DRC11: variants seen among roughly 807,000 people sequenced by gnomAD.
DRC11 encodes the protein IQ and AAA domain-containing protein 1.
At chr2:236,392,386 A>C in the DRC11 span, 4 of 1,202,088 alleles carry the variant, frequency 3.3e-6, no homozygotes, top group East Asian at 1.0e-4. The surrounding 1 kb of genome is among the most constrained non-coding windows in gnomAD (Gnocchi z 5.1). Context: ...AGAAAAAGAA[A>C]AAATTTTAAA....
At chr2:236,380,665 T>G in the DRC11 span, 1 of 1,502,812 alleles carries the variant, frequency 6.7e-7, no homozygotes, top group Non-Finnish European at 9.1e-7. The surrounding 1 kb of genome is among the most constrained non-coding windows in gnomAD (Gnocchi z 4.9). Context: ...TAACCAACAA[T>G]TTAGTCAAAA....
At chr2:236,400,804 T>C in the DRC11 span, among the ~76,000 whole-genome samples, 5 of 152,176 alleles carry the variant, frequency 3.3e-5, no homozygotes, top group Admixed American at 2.0e-4. The surrounding 1 kb of genome is among the most constrained non-coding windows in gnomAD (Gnocchi z 7.9). Flanking sequence ...CCACAGTCCC[T>C]CGTGGTTGTG....
the DRC11 span, among the ~76,000 whole-genome samples, chr2:236,479,128 T>A: frequency 6.6e-6 from 1 of 152,216 alleles, no homozygotes; most frequent in African/African-American, 2.4e-5. The surrounding 1 kb of genome is among the most constrained non-coding windows in gnomAD (Gnocchi z 4.1). Flanking sequence ...CCTGGCCAGT[T>A]TGTAGTCTAT....
chr2:236,327,096 C>T, the DRC11 span, among the ~76,000 whole-genome samples: 1 of 152,132 alleles, frequency 6.6e-6, no homozygotes, highest in East Asian at 1.9e-4. Context: ...AGCAGTTCTA[C>T]AGCTGCTTCT....
chr2:236,354,566 A>C, the DRC11 span, among the ~76,000 whole-genome samples: 1 of 152,110 alleles, frequency 6.6e-6, no homozygotes, highest in Non-Finnish European at 1.5e-5. Context: ...GCCAGCTTGG[A>C]GAAGCCTGTG....
At chr2:236,326,492 C>G in the DRC11 span, among the ~76,000 whole-genome samples, 3 of 152,096 alleles carry the variant, frequency 2.0e-5, no homozygotes, top group Non-Finnish European at 4.4e-5. Context: ...GAGTTCATAC[C>G]TCTTTCATTT....
chr2:236,326,792 T>TTGTG, the DRC11 span, among the ~76,000 whole-genome samples: 1,802 of 144,022 alleles, frequency 0.013, 26 homozygotes, highest in East Asian at 0.029. Flanking sequence ...TTCAGATTTG[T>TTGTG]TGTGTGTGTG....
At chr2:236,356,183 G>A in the DRC11 span, among the ~76,000 whole-genome samples, 2 of 152,160 alleles carry the variant, frequency 1.3e-5, no homozygotes, top group East Asian at 3.9e-4. Context: ...AATGTCCAGG[G>A]GCAGAGAGGG....
At chr2:236,365,110 G>C in the DRC11 span, among the ~76,000 whole-genome samples, 1 of 152,106 alleles carries the variant, frequency 6.6e-6, no homozygotes, top group Non-Finnish European at 1.5e-5. This position sits in a 1 kb window ranked among gnomAD's most constrained non-coding sequence, Gnocchi z 7.4. Context: ...CTGCTCTGTG[G>C]TAGCCCTGGC....
At chr2:236,491,000 ATT>A in the DRC11 span, among the ~76,000 whole-genome samples, 4 of 136,236 alleles carry the variant, frequency 2.9e-5, 1 homozygote, top group African/African-American at 1.0e-4. This position sits in a 1 kb window ranked among gnomAD's most constrained non-coding sequence, Gnocchi z 5.5. Flanking sequence ...CCAAGAATAT[ATT>A]GTGTGTATAT....
At chr2:236,491,240 T>TATATATATATAC in the DRC11 span, among the ~76,000 whole-genome samples, 227 of 52,514 alleles carry the variant, frequency 4.3e-3, 21 homozygotes, top group Non-Finnish European at 6.4e-3. Context: ...TATATATATA[T>TATATATATATAC]ACACAGTATA....
the DRC11 span, among the ~76,000 whole-genome samples, chr2:236,410,136 G>A: frequency 1.3e-5 from 2 of 151,540 alleles, no homozygotes; most frequent in South Asian, 4.2e-4. Context: ...AATGAGTTAG[G>A]GAGGATTCCC....
chr2:236,470,320 T>C, the DRC11 span, among the ~76,000 whole-genome samples: 1 of 152,202 alleles, frequency 6.6e-6, no homozygotes, highest in Admixed American at 6.5e-5. The surrounding 1 kb of genome is among the most constrained non-coding windows in gnomAD (Gnocchi z 5.1). Flanking sequence ...GGCGCTTTGT[T>C]GTTACCAAAG....
chr2:236,490,882 C>T, the DRC11 span, among the ~76,000 whole-genome samples: 5 of 148,646 alleles, frequency 3.4e-5, no homozygotes, highest in Middle Eastern at 7.0e-3. The surrounding 1 kb of genome is among the most constrained non-coding windows in gnomAD (Gnocchi z 5.5). Flanking sequence ...ATATACAGTA[C>T]GTATCCCAAG....
chr2:236,407,857 C>A, the DRC11 span: 3 of 352,852 alleles, frequency 8.5e-6, no homozygotes, highest in Admixed American at 3.5e-5. Context: ...TAAGCTCCGT[C>A]TTCTACTGCA....
the DRC11 span, among the ~76,000 whole-genome samples, chr2:236,335,628 A>T: frequency 6.6e-6 from 1 of 152,230 alleles, no homozygotes; most frequent in Non-Finnish European, 1.5e-5. This position sits in a 1 kb window ranked among gnomAD's most constrained non-coding sequence, Gnocchi z 5.6. Flanking sequence ...CTTCATTTTT[A>T]AAGGGCCTAT....
chr2:236,429,201 C>T, the DRC11 span, among the ~76,000 whole-genome samples: 9 of 152,144 alleles, frequency 5.9e-5, no homozygotes, highest in East Asian at 3.9e-4. The surrounding 1 kb of genome is among the most constrained non-coding windows in gnomAD (Gnocchi z 5.9). Flanking sequence ...TCTGGGGGAG[C>T]GTTCAGTCTT....
the DRC11 span, among the ~76,000 whole-genome samples, chr2:236,342,105 C>T: frequency 6.6e-6 from 1 of 152,172 alleles, no homozygotes; most frequent in Non-Finnish European, 1.5e-5. The surrounding 1 kb of genome is among the most constrained non-coding windows in gnomAD (Gnocchi z 5.8). Context: ...CACCCAAAGG[C>T]AGAGGGGCCG....
At chr2:236,335,913 GC>G in the DRC11 span, among the ~76,000 whole-genome samples, 28,580 of 152,006 alleles carry the variant, frequency 0.19, 2,828 homozygotes, top group African/African-American at 0.26. The surrounding 1 kb of genome is among the most constrained non-coding windows in gnomAD (Gnocchi z 5.6). Flanking sequence ...GGACAGCGCT[GC>G]CCCCTTCATC....
Sources: gnomAD v4.1 joint callset for allele counts (sites outside exome capture counted in the v4.1 genomes callset) on GRCh38, gnomAD v4.1.1 for gene constraint, Gnocchi (gnomAD v3.1) non-coding constraint, MANE v1.5 for transcripts, NCBI Gene and HGNC (gene_info 2026-07-23, HGNC 2026-07-21) for gene names.